Variants in TUFT1 observed in about 807,000 individuals in gnomAD.
TUFT1 encodes tuftelin 1, also known as tuftelin.
Under a neutral mutation model 57.8 loss-of-function variants are expected in TUFT1, and 43 were observed. The ratio of observed to expected loss-of-function variants is 0.74; its 90% CI spans 0.58 to 0.96. TUFT1 has a LOEUF of 0.96. Ranked by LOEUF, TUFT1 falls within the 40% of genes least tolerant of loss-of-function variation. The probability of loss-of-function intolerance (pLI) is 0.00; values close to 1 mark genes in which losing one functional copy is unlikely to be tolerated. For missense variants in TUFT1, 459 were observed against 489.0 expected (o/e 0.94, Z 0.58); for synonymous variants, 166 against 176.7 (o/e 0.94, Z 0.48).
chr1:151,572,216 G>A (rs1213313387), intron 7 of TUFT1, among the ~76,000 whole-genome samples: 2 of 137,824 alleles, frequency 1.5e-5, no homozygotes, highest in East Asian at 4.0e-4. Context: ...TAATAAATAT[G>A]GTACATAAAT....
chr1:151,556,324 C>T (rs369567056), intron 1 of TUFT1, among the ~76,000 whole-genome samples: 10 of 150,886 alleles, frequency 6.6e-5, no homozygotes, highest in African/African-American at 1.7e-4. Flanking sequence ...CCCCTTTCCC[C>T]TTCCCTTCCC....
intron 1 of TUFT1, among the ~76,000 whole-genome samples, chr1:151,547,661 T>G (rs1665381935): frequency 6.6e-6 from 1 of 152,128 alleles, no homozygotes; most frequent in African/African-American, 2.4e-5. Context: ...AGTCAGAGAC[T>G]AGAGAGGGCA....
At chr1:151,579,609 C>A in intron 10 of TUFT1, 40 bp from the exon 11 acceptor site, 1 of 1,607,236 alleles carries the variant, frequency 6.2e-7, no homozygotes, top group South Asian at 1.1e-5. Context: ...TGTAATGAGT[C>A]ATTGCAAAAT....
At chr1:151,548,970 G>A (rs577903162) in intron 1 of TUFT1, among the ~76,000 whole-genome samples, 139 of 152,110 alleles carry the variant, frequency 9.1e-4, no homozygotes, top group African/African-American at 3.1e-3. Context: ...CTGCTGTGGC[G>A]TCTTGATCTC....
chr1:151,580,188 T>C (rs185659754), intron 11 of TUFT1, among the ~76,000 whole-genome samples: 4 of 152,328 alleles, frequency 2.6e-5, no homozygotes, highest in Admixed American at 2.6e-4. Context: ...GAAGATCACT[T>C]TGCGAACGCT....
intron 1 of TUFT1, among the ~76,000 whole-genome samples, chr1:151,555,492 T>G (rs2102528256): frequency 6.7e-6 from 1 of 149,024 alleles, no homozygotes; most frequent in South Asian, 2.1e-4. Context: ...AAAAAGATAA[T>G]TATAGGTCGG....
intron 5 of TUFT1, chr1:151,565,910 C>T: frequency 2.5e-6 from 1 of 404,936 alleles, no homozygotes; most frequent in Non-Finnish European, 4.6e-6. Flanking sequence ...TCTCCACCCC[C>T]TCTTGTTTCT....
rs752865326 is a variant in TUFT1 at position 151,569,646 on chromosome 1, T to G, written c.481-11T>G. On this transcript the variant is annotated splice_polypyrimidine_tract_variant and intron_variant, in intron 6 of 12. Transcript: ENST00000368849. The stretch of plus-strand genomic sequence containing the variant: ...GAGGGCTTCCCCTTCCCTTCCTTGT[T>G]CTGGCTGTAGGTGGACACCTGTATA... 29 of 1,611,226 alleles carry G rather than the reference T, an allele frequency of 1.8e-5. No individual in the cohort carries two copies. Among genetic ancestry groups the G allele is most frequent in the Non-Finnish European group, 2.4e-5 (28 of 1,177,738 alleles).
chr1:151,543,197 A>G (rs1665222596), intron 1 of TUFT1, among the ~76,000 whole-genome samples: 1 of 152,196 alleles, frequency 6.6e-6, no homozygotes, highest in East Asian at 1.9e-4. Flanking sequence ...ACTGCAGACC[A>G]TAACCAGTAG....
chr1:151,569,596 C>A, intron 6 of TUFT1, 61 bp from the exon 7 acceptor site: 1 of 1,407,852 alleles, frequency 7.1e-7, no homozygotes. Context: ...GGAGGGGGGA[C>A]CTTTTCTTAC....
chr1:151,565,709 T>C (rs973645491), intron 5 of TUFT1, among the ~76,000 whole-genome samples: 19 of 152,266 alleles, frequency 1.2e-4, no homozygotes, highest in African/African-American at 4.6e-4. Flanking sequence ...TTGTAATTTT[T>C]GCTTTGTCAA....
chr1:151,541,545 G>A (rs1350071059), intron 1 of TUFT1, among the ~76,000 whole-genome samples: 1 of 152,124 alleles, frequency 6.6e-6, no homozygotes, highest in East Asian at 1.9e-4. Flanking sequence ...CTTACTCTCT[G>A]CCTGCCTCAT....
chr1:151,559,530 T>A (rs1199181699), intron 1 of TUFT1, among the ~76,000 whole-genome samples: 1 of 152,154 alleles, frequency 6.6e-6, no homozygotes, highest in Admixed American at 6.5e-5. Context: ...AACCATGGAA[T>A]GTATTGGATA....
intron 1 of TUFT1, among the ~76,000 whole-genome samples, chr1:151,547,582 GA>G (rs1665379653): frequency 6.6e-6 from 1 of 152,162 alleles, no homozygotes; most frequent in African/African-American, 2.4e-5. Context: ...GGGATGAGTC[GA>G]TGAAGGAAGA....
intron 9 of TUFT1, among the ~76,000 whole-genome samples, chr1:151,577,643 AATT>A (rs1666516348): frequency 6.6e-6 from 1 of 152,118 alleles, no homozygotes; most frequent in South Asian, 2.1e-4. Context: ...CTAGAAACAA[AATT>A]GTGTGAAGAG....
At chr1:151,541,372 G>A (rs1019860064) in intron 1 of TUFT1, among the ~76,000 whole-genome samples, 1 of 152,184 alleles carries the variant, frequency 6.6e-6, no homozygotes, top group African/African-American at 2.4e-5. Context: ...CAGAGGCTGA[G>A]GAGGGTAATT....
intron 12 of TUFT1, 37 bp downstream of exon 12, chr1:151,581,079 G>T: frequency 6.3e-7 from 1 of 1,584,036 alleles, no homozygotes; most frequent in South Asian, 1.1e-5. Flanking sequence ...GGGCCAGGGA[G>T]GAGGGGAGAA....
chr1:151,554,348 C>T (rs1221040702), intron 1 of TUFT1, among the ~76,000 whole-genome samples: 1 of 152,120 alleles, frequency 6.6e-6, no homozygotes, highest in Non-Finnish European at 1.5e-5. Context: ...GTCAGATATA[C>T]ATATAGTGAA....
intron 1 of TUFT1, chr1:151,557,544 G>A: frequency 8.3e-7 from 1 of 1,199,528 alleles, no homozygotes; most frequent in Non-Finnish European, 1.2e-6. Flanking sequence ...AGCACCGGGA[G>A]CTGGCAGACA....
Sources: gnomAD v4.1 joint callset for allele counts (sites outside exome capture counted in the v4.1 genomes callset) on GRCh38, gnomAD v4.1.1 for gene constraint, MANE v1.5 for transcripts, NCBI Gene and HGNC (gene_info 2026-07-23, HGNC 2026-07-21) for gene names.